Variants in PTPRS observed in about 807,000 individuals in gnomAD.
The protein encoded by PTPRS is protein tyrosine phosphatase receptor type S.
Under a neutral mutation model 215.3 loss-of-function variants are expected in PTPRS, and 63 were observed. That is an observed-to-expected ratio of 0.29 (90% CI 0.24 to 0.36). The LOEUF is 0.36. Among genes scored for constraint, PTPRS ranks in the 10% least tolerant of loss-of-function variants. The probability of loss-of-function intolerance (pLI) is 1.00; values close to 1 mark genes in which losing one functional copy is unlikely to be tolerated. For synonymous variants in PTPRS, 1,404 were observed against 1,191.4 expected (o/e 1.18, Z -3.68); for missense variants, 2,258 against 2,825.8 (o/e 0.80, Z 4.56).
At chr19:5,315,350 GGTTTTTTTTTTT>G (rs1461392336) in intron 1 of PTPRS, among the ~76,000 whole-genome samples, 5,749 of 101,172 alleles carry the variant, frequency 0.057, 513 homozygotes, top group Middle Eastern at 0.1. Context: ...ATTTGAAAAG[GGTTTTTTTTTTT>G]TTTTTTTTTT....
intron 1 of PTPRS, among the ~76,000 whole-genome samples, chr19:5,318,907 A>G (rs2049951500): frequency 6.6e-6 from 1 of 152,166 alleles, no homozygotes; most frequent in Non-Finnish European, 1.5e-5. Context: ...AGAGGCCCAC[A>G]CTGCAATCTC....
At position 5,329,195 on chromosome 19, in the gene PTPRS, G is replaced by A. The variant is rs116556257; in HGVS notation, c.-95+11469C>T. On this transcript the variant is annotated intron_variant, in intron 1 of 37. Transcript: ENST00000262963. ...GGCCTGGAGGTGGAAACAGGAGAAG[G>A]ATAGGTCTACATGGAGTGGAACGGA... Among the ~76,000 whole-genome samples the A allele has an allele frequency of 8.0e-3, 1,211 of 152,276 alleles. 11 individuals carry two copies. The highest frequency in any genetic ancestry group is 0.027 in the African/African-American group (1,123 of 41,546).
At chr19:5,272,868 T>C (rs796401198) in intron 4 of PTPRS, among the ~76,000 whole-genome samples, 17 of 152,262 alleles carry the variant, frequency 1.1e-4, no homozygotes, top group African/African-American at 4.1e-4. Context: ...TTTATCTTTA[T>C]TCCTTTGGGG....
intron 1 of PTPRS, among the ~76,000 whole-genome samples, chr19:5,314,177 G>A (rs2049800845): frequency 1.3e-5 from 2 of 152,068 alleles, no homozygotes; most frequent in Non-Finnish European, 2.9e-5. Flanking sequence ...TGAGTTCAGT[G>A]CCAGTCTCTG....
intron 25 of PTPRS, among the ~76,000 whole-genome samples, chr19:5,217,541 CA>C (rs3831633): frequency 2.0e-5 from 3 of 149,862 alleles, no homozygotes; most frequent in Admixed American, 1.3e-4. Context: ...AGTCCAGAGA[CA>C]AAAAAAAAGA....
intron 1 of PTPRS, among the ~76,000 whole-genome samples, chr19:5,325,351 G>A (rs1403045787): frequency 3.3e-5 from 5 of 152,246 alleles, no homozygotes; most frequent in African/African-American, 1.2e-4. Flanking sequence ...CATGTGCCCA[G>A]ATAAAAATTG....
At chr19:5,267,728 A>G (rs1341160487) in intron 4 of PTPRS, among the ~76,000 whole-genome samples, 1 of 86,962 alleles carries the variant, frequency 1.1e-5, no homozygotes, top group African/African-American at 4.6e-5. Flanking sequence ...CGCCCCCCCA[A>G]CTCCACTCCA....
At chr19:5,276,928 T>C (rs2047422736) in intron 2 of PTPRS, among the ~76,000 whole-genome samples, 1 of 152,146 alleles carries the variant, frequency 6.6e-6, no homozygotes, top group Admixed American at 6.6e-5. Flanking sequence ...ATTAACATTG[T>C]TTCCTTTTTA....
intron 1 of PTPRS, among the ~76,000 whole-genome samples, chr19:5,296,686 G>A (rs2049144232): frequency 2.8e-5 from 4 of 145,048 alleles, no homozygotes; most frequent in Admixed American, 2.1e-4. Flanking sequence ...AGTGTTGCTG[G>A]AGCAGAGTGA....
intron 1 of PTPRS, among the ~76,000 whole-genome samples, chr19:5,296,706 G>C (rs1457289715): frequency 8.2e-6 from 1 of 122,666 alleles, no homozygotes; most frequent in East Asian, 2.7e-4. Context: ...AGGAAGGGGA[G>C]ACAAAGAGGA....
chr19:5,329,626 G>A (rs1436072771), intron 1 of PTPRS, among the ~76,000 whole-genome samples: 1 of 152,052 alleles, frequency 6.6e-6, no homozygotes, highest in Admixed American at 6.6e-5. Flanking sequence ...TTAGCCGGGT[G>A]TAATAGTGGG....
At chr19:5,253,425 T>C (rs1568486965) in intron 9 of PTPRS, among the ~76,000 whole-genome samples, 1 of 152,214 alleles carries the variant, frequency 6.6e-6, no homozygotes, top group Non-Finnish European at 1.5e-5. Flanking sequence ...ATGTAAATAC[T>C]TGTAGCTTTC....
At chr19:5,239,278 C>T (rs1174483998) in intron 12 of PTPRS, among the ~76,000 whole-genome samples, 1 of 149,228 alleles carries the variant, frequency 6.7e-6, no homozygotes, top group Non-Finnish European at 1.5e-5. Flanking sequence ...GACAGAGATA[C>T]AGACAGAAAA....
At chr19:5,311,273 G>A (rs2049692613) in intron 1 of PTPRS, among the ~76,000 whole-genome samples, 2 of 152,272 alleles carry the variant, frequency 1.3e-5, no homozygotes, top group East Asian at 1.9e-4. Flanking sequence ...GCCTCCTAAA[G>A]TGCTGGGATT....
chr19:5,222,370 T>TGGCCC lies in PTPRS; in HGVS notation c.3104-155_3104-151dup, dbSNP rs570254290. Reference sequence around the variant, plus strand: ...TGCCCACGGCCTTCCTGCCTGGCCCTGGCCCGGCCCTGCCCTGTCCTGTCC... The same window carrying TGGCCC: ...TGCCCACGGCCTTCCTGCCTGGCCCTGGCCCGGCCCGGCCCTGCCCTGTCCTGTCC... On this transcript the variant is annotated intron_variant, in intron 18 of 37. Transcript: ENST00000262963. 150 of 721,664 alleles carry TGGCCC rather than the reference T, an allele frequency of 2.1e-4. 1 individual carries two copies. Among genetic ancestry groups the TGGCCC allele is most frequent in the South Asian group, 2.0e-3 (120 of 59,720 alleles). 44.7% of individuals were successfully genotyped at this position (721,664 alleles called of 1,614,324 possible).
chr19:5,223,492 G>C (rs1001431474), intron 17 of PTPRS, among the ~76,000 whole-genome samples, 195 bp from the exon 18 acceptor site: 3 of 151,842 alleles, frequency 2.0e-5, no homozygotes, highest in Admixed American at 6.6e-5. Context: ...CTGGGCTCAA[G>C]TGAGCTTCCT....
chr19:5,243,162 C>T (rs1029189311), intron 11 of PTPRS, among the ~76,000 whole-genome samples: 5 of 148,566 alleles, frequency 3.4e-5, no homozygotes, highest in African/African-American at 1.2e-4. Flanking sequence ...TTTGAGATGG[C>T]GTTTCACTTG....
chr19:5,319,721 C>T (rs1400463510), intron 1 of PTPRS, among the ~76,000 whole-genome samples: 2 of 152,008 alleles, frequency 1.3e-5, no homozygotes, highest in African/African-American at 4.8e-5. Flanking sequence ...GGTCCTGCCC[C>T]GGGGCCTTGG....
intron 1 of PTPRS, among the ~76,000 whole-genome samples, chr19:5,330,076 C>CAAA (rs10690740): frequency 0.13 from 9,628 of 74,060 alleles, 446 homozygotes; most frequent in Non-Finnish European, 0.19. Context: ...GACTCTGTCT[C>CAAA]AAAAAAAAAA....
Sources: allele counts gnomAD v4.1 joint callset (sites outside exome capture counted in the v4.1 genomes callset), GRCh38; gene constraint gnomAD v4.1.1; transcripts MANE v1.5; gene names NCBI Gene and HGNC (gene_info 2026-07-23, HGNC 2026-07-21).